CDC16: variants seen among roughly 807,000 people sequenced by gnomAD.
CDC16 encodes cell division cycle protein 16 homolog.
CDC16 carries 34 observed loss-of-function variants against 87.0 expected under a neutral mutation model. The observed-to-expected ratio is 0.39, with a 90% CI of 0.30 to 0.52. CDC16 has a LOEUF of 0.52. CDC16 is among the 20% of genes least tolerant of loss of function. The pLI, the probability that CDC16 is intolerant of heterozygous loss-of-function variation, is 0.74. For synonymous variants in CDC16, 263 were observed against 260.6 expected, an observed-to-expected ratio of 1.01 and a Z score of -0.09; for missense variants, 653 against 751.9, an observed-to-expected ratio of 0.87 and a Z score of 1.54.
chr13:114,234,983 C>T lies in CDC16; in HGVS notation c.-102C>T, dbSNP rs1594535030. ...CGGCCTTCGAGTCCTGGGGCGGCGG[C>T]GGCGGCTGCAGGCACGGGCACGGGC... On this transcript the variant is annotated 5_prime_UTR_variant, in exon 1 of 18. Transcript: ENST00000356221. The T allele has an allele frequency of 5.2e-6, 5 of 953,900 alleles. No individual in the cohort carries two copies. The highest frequency in any genetic ancestry group is 3.3e-5 in the East Asian group (1 of 30,048). The allele number at this position is 953,900 out of a possible 1,614,324, so 59.1% of individuals were successfully genotyped here.
chr13:114,236,622 CTTT>C lies in CDC16; in HGVS notation c.49-12_49-10del, dbSNP rs372357906. On this transcript the variant is annotated intron_variant, in intron 1 of 17. Coordinates refer to ENST00000356221, the MANE Select transcript of CDC16 (RefSeq NM_001078645.3). Reference sequence around the variant, plus strand: ...ATTAAAATAACAGGGCAGTTACCACCTTTTTTTTTTTTTGGTATGCAGCAACAG... The same window carrying C: ...ATTAAAATAACAGGGCAGTTACCACCTTTTTTTTTTGGTATGCAGCAACAG... 147 of 1,403,452 alleles carry C rather than the reference CTTT, an allele frequency of 1.0e-4. No individual in the cohort carries two copies. Among genetic ancestry groups the C allele is most frequent in the Admixed American group, 3.9e-4 (20 of 51,782 alleles). The allele number at this position is 1,403,452 out of a possible 1,614,324, so 86.9% of individuals were successfully genotyped here.
intron 3 of CDC16, among the ~76,000 whole-genome samples, 161 bp downstream of exon 3, chr13:114,237,057 T>C (rs1162265737): frequency 6.6e-6 from 1 of 152,086 alleles, no homozygotes; most frequent in Non-Finnish European, 1.5e-5. Flanking sequence ...AAACCCCATC[T>C]CCGCTAAAAA....
At chr13:114,258,677 A>G (rs2082654506) in intron 13 of CDC16, among the ~76,000 whole-genome samples, 1 of 152,214 alleles carries the variant, frequency 6.6e-6, no homozygotes, top group African/African-American at 2.4e-5. Context: ...AAACACACAT[A>G]AAACAAGGTT....
At chr13:114,250,167 C>T (rs757561716) in intron 11 of CDC16, among the ~76,000 whole-genome samples, 1 of 151,688 alleles carries the variant, frequency 6.6e-6, no homozygotes, top group African/African-American at 2.4e-5. Flanking sequence ...CAGCCTCCAG[C>T]GACAGAGCAA....
chr13:114,272,094 C>T (rs2083720116), intron 17 of CDC16, 90 bp from the exon 18 acceptor site: 2 of 732,420 alleles, frequency 2.7e-6, no homozygotes, highest in Non-Finnish European at 4.4e-6. Context: ...TATAATCTGA[C>T]TTAAATGATA....
chr13:114,250,320 C>G (rs2082099349), intron 11 of CDC16, among the ~76,000 whole-genome samples: 1 of 151,996 alleles, frequency 6.6e-6, no homozygotes, highest in South Asian at 2.1e-4. Context: ...TGGTGAAACC[C>G]CATCTCTACT....
intron 5 of CDC16, among the ~76,000 whole-genome samples, chr13:114,240,760 G>T (rs1187394515): frequency 6.7e-6 from 1 of 148,838 alleles, no homozygotes; most frequent in African/African-American, 2.5e-5. Context: ...TTTTGTTTTT[G>T]TTTTTTTTTC....
chr13:114,236,866 C>T lies in CDC16; in HGVS notation c.171C>T (p.Ala57=), dbSNP rs1594543814. 1 of 1,598,550 alleles carries T rather than the reference C, an allele frequency of 6.3e-7. No individual in the cohort carries two copies. The highest frequency in any genetic ancestry group is 8.5e-7 in the Non-Finnish European group (1 of 1,175,604). The part of the protein sequence containing the change: ...LYLTAQYHRA[A]HALRSRKLDK... ...TGACAGCACAATATCACAGAGCCGCCCATGCACTTCGGTCACGAAAACTGG... is the reference window on the plus strand; with the variant it reads ...TGACAGCACAATATCACAGAGCCGCTCATGCACTTCGGTCACGAAAACTGG... The change falls in exon 3 of 18, where the codon GCC becomes GCT. Residue 57 remains alanine, a synonymous_variant. Transcript: ENST00000356221.
chr13:114,235,213 G>C, intron 1 of CDC16, 81 bp downstream of exon 1: 1 of 997,766 alleles, frequency 1.0e-6, no homozygotes, highest in South Asian at 5.0e-5. Context: ...GGTGACTGTT[G>C]TCGGGGCTCT....
intron 13 of CDC16, among the ~76,000 whole-genome samples, chr13:114,258,429 T>C (rs1375895064): frequency 6.6e-6 from 1 of 152,232 alleles, no homozygotes; most frequent in Non-Finnish European, 1.5e-5. Context: ...GTGGTCTATT[T>C]AGTGCCACAG....
intron 12 of CDC16, among the ~76,000 whole-genome samples, chr13:114,250,986 T>G (rs1224032162): frequency 7.2e-5 from 11 of 152,138 alleles, no homozygotes; most frequent in Non-Finnish European, 1.5e-4. Context: ...CGAGCAAAAT[T>G]ATTATATCTT....
chr13:114,237,432 G>A (rs17337800), intron 3 of CDC16, among the ~76,000 whole-genome samples: 3,708 of 152,022 alleles, frequency 0.024, 156 homozygotes, highest in African/African-American at 0.085. Flanking sequence ...TGGGACTACA[G>A]GTGCATGCCA....
intron 1 of CDC16, among the ~76,000 whole-genome samples, 190 bp from the exon 2 acceptor site, chr13:114,236,455 C>T (rs1008285932): frequency 1.3e-5 from 2 of 151,840 alleles, no homozygotes; most frequent in African/African-American, 2.4e-5. Flanking sequence ...GTTTGTATTG[C>T]GACACTGAAC....
At chr13:114,253,042 C>T (rs2082284102) in intron 12 of CDC16, among the ~76,000 whole-genome samples, 1 of 152,178 alleles carries the variant, frequency 6.6e-6, no homozygotes, top group Non-Finnish European at 1.5e-5. Context: ...GAAACTGAGG[C>T]AGGATGGTCA....
Position 114,239,324 on chromosome 13 carries a change from GAGCGGCAC to G in CDC16, c.241-25_241-18del. ...TTTCGTGTTAGAAGTCGTGAGTGAT[GAGCGGCAC>G]TTCTGTTTTCCACGTAGTATGCTGC... On this transcript the variant is annotated intron_variant, in intron 4 of 17. Transcript: ENST00000356221. The G allele has an allele frequency of 1.3e-6, 2 of 1,581,190 alleles. No individual in the cohort carries two copies. Among genetic ancestry groups the G allele is most frequent in the Non-Finnish European group, 1.7e-6 (2 of 1,156,562 alleles).
chr13:114,266,843 C>T (rs1566686889), intron 17 of CDC16, among the ~76,000 whole-genome samples: 1 of 151,954 alleles, frequency 6.6e-6, no homozygotes, highest in Admixed American at 6.6e-5. Flanking sequence ...CTACAGGCAC[C>T]CATCACCACG....
intron 9 of CDC16, among the ~76,000 whole-genome samples, chr13:114,245,405 A>T (rs1053661374): frequency 4.0e-5 from 6 of 151,712 alleles, no homozygotes; most frequent in Middle Eastern, 3.4e-3. Context: ...GTGTTTGGGG[A>T]TGCATTTGTC....
In CDC16 at chr13:114,240,621, G is replaced by C. The variant is rs533558904; in HGVS notation, c.381+1131G>C. Reference sequence around the variant, plus strand: ...GATCCTCCTGCCTTAGTTTCCCAAAGTGTTGGGATTACAGTCATGAGCCAC... The same window carrying C: ...GATCCTCCTGCCTTAGTTTCCCAAACTGTTGGGATTACAGTCATGAGCCAC... On this transcript the variant is annotated intron_variant, in intron 5 of 17. Coordinates refer to ENST00000356221, the MANE Select transcript of CDC16 (RefSeq NM_001078645.3). Among the ~76,000 whole-genome samples the C allele has an allele frequency of 1.6e-4, 24 of 152,316 alleles. No homozygotes were observed. In the East Asian group the frequency reaches 4.6e-3, roughly 29 times the overall value.
chr13:114,234,914 T>A lies in CDC16; in HGVS notation c.-171T>A. On this transcript the variant is annotated 5_prime_UTR_variant, in exon 1 of 18. Transcript: ENST00000356221. ...GCCTGGGCAGTGCACGGGGCCTGGG[T>A]GGGGGGTGCGGGTGTGGGTGGGGAC... 1 of 311,196 alleles carries A rather than the reference T, an allele frequency of 3.2e-6. No homozygotes were observed. The highest frequency in any genetic ancestry group is 4.2e-5 in the East Asian group (1 of 24,086). 19.3% of individuals were successfully genotyped at this position (311,196 alleles called of 1,614,324 possible). A position where few individuals can be genotyped will look rare whatever the true frequency, so the allele number is the denominator to read the frequency against.
Sources: allele counts gnomAD v4.1 joint callset (sites outside exome capture counted in the v4.1 genomes callset), GRCh38; gene constraint gnomAD v4.1.1; transcripts MANE v1.5; gene names NCBI Gene and HGNC (gene_info 2026-07-23, HGNC 2026-07-21).